TMEM164: variants seen among roughly 807,000 people sequenced by gnomAD.
TMEM164 encodes the protein transmembrane protein 164.
In TMEM164, 4 loss-of-function variants were observed where a neutral mutation model predicts 18.8. That is an observed-to-expected ratio of 0.21 (90% CI 0.10 to 0.49). The LOEUF is 0.49. Ranked by LOEUF, TMEM164 falls within the 20% of genes least tolerant of loss-of-function variation. The pLI, the probability that TMEM164 is intolerant of heterozygous loss-of-function variation, is 0.98. For synonymous variants in TMEM164, 86 were observed against 101.7 expected (o/e 0.85, Z 0.93); for missense variants, 108 against 239.9 (o/e 0.45, Z 3.63).
At chrX:110,102,474 A>T (rs1236561768) in intron 3 of TMEM164, among the ~76,000 whole-genome samples, 1 of 112,256 alleles carries the variant, frequency 8.9e-6, no homozygotes, top group Non-Finnish European at 1.9e-5. Flanking sequence ...AGAATTTGTC[A>T]TCTGTTCCAT....
intron 2 of TMEM164, among the ~76,000 whole-genome samples, chrX:110,062,510 G>A (rs1936163404): frequency 9.0e-6 from 1 of 111,210 alleles, no homozygotes; most frequent in Admixed American, 9.6e-5. Context: ...TAGCATTATG[G>A]GTCAAAAGCC....
chrX:110,037,235 A>G (rs773190943), intron 2 of TMEM164, among the ~76,000 whole-genome samples: 10 of 111,546 alleles, frequency 9.0e-5, no homozygotes, highest in African/African-American at 3.3e-4. Context: ...GGCAGAGTAC[A>G]ATAAGCTGGA....
chrX:110,071,730 A>C (rs2147863631), intron 3 of TMEM164, among the ~76,000 whole-genome samples: 1 of 106,462 alleles, frequency 9.4e-6, no homozygotes, highest in East Asian at 2.9e-4. Context: ...AAAAAAAAAA[A>C]AAAAAAAAAT....
At chrX:110,153,516 A>T (rs187925760) in intron 5 of TMEM164, among the ~76,000 whole-genome samples, 2 of 111,397 alleles carry the variant, frequency 1.8e-5, no homozygotes, top group Admixed American at 1.9e-4. Context: ...AAAAATAATC[A>T]CATCTTTATG....
intron 2 of TMEM164, among the ~76,000 whole-genome samples, chrX:110,027,046 G>A (rs1175982265): frequency 9.1e-6 from 1 of 110,332 alleles, no homozygotes; most frequent in African/African-American, 3.3e-5. Context: ...TCAACTTACT[G>A]TTTTAGTTGA....
intron 2 of TMEM164, among the ~76,000 whole-genome samples, chrX:110,011,309 A>T (rs1402231962): frequency 1.8e-5 from 2 of 112,227 alleles, no homozygotes; most frequent in Non-Finnish European, 3.8e-5. Flanking sequence ...TGAACAAAGC[A>T]TAGGGGACAG....
chrX:110,127,239 G>A (rs747537080), intron 4 of TMEM164, among the ~76,000 whole-genome samples: 1 of 111,594 alleles, frequency 9.0e-6, no homozygotes, highest in South Asian at 3.8e-4. Context: ...CTGGCCGGGT[G>A]TGGTGGCTCA....
At chrX:110,031,631 C>T (rs1934512963) in intron 2 of TMEM164, among the ~76,000 whole-genome samples, 1 of 111,086 alleles carries the variant, frequency 9.0e-6, no homozygotes, top group African/African-American at 3.3e-5. Flanking sequence ...CCCTAGTCCT[C>T]CTTTTTATAA....
intron 3 of TMEM164, among the ~76,000 whole-genome samples, chrX:110,089,336 T>A (rs1173352591): frequency 9.0e-6 from 1 of 111,185 alleles, no homozygotes; most frequent in African/African-American, 3.3e-5. Flanking sequence ...TAGCTGAGAT[T>A]ACAGGCACTG....
chrX:110,118,277 C>T (rs1057223990), intron 4 of TMEM164, among the ~76,000 whole-genome samples: 5 of 112,122 alleles, frequency 4.5e-5, no homozygotes, highest in African/African-American at 1.6e-4. Flanking sequence ...ATGGACATAA[C>T]TCTTTTCATC....
chrX:110,162,292 C>T (rs759835127), intron 5 of TMEM164, among the ~76,000 whole-genome samples: 91 of 112,640 alleles, frequency 8.1e-4, no homozygotes, highest in African/African-American at 2.8e-3. Context: ...AGGTCAGGTC[C>T]ACCTGTTGGA....
intron 3 of TMEM164, 67 bp from the exon 4 acceptor site, chrX:110,109,013 G>A: frequency 1.9e-6 from 2 of 1,070,848 alleles, no homozygotes; most frequent in Non-Finnish European, 2.6e-6. Context: ...TTAACCTGAT[G>A]TGTCTTTTTT....
intron 3 of TMEM164, among the ~76,000 whole-genome samples, chrX:110,071,379 T>C (rs1447025068): frequency 9.1e-6 from 1 of 110,250 alleles, no homozygotes; most frequent in Non-Finnish European, 1.9e-5. Context: ...TGTGGGATTT[T>C]TTCATTTAAA....
At chrX:110,138,406 T>TC (rs999671382) in intron 4 of TMEM164, among the ~76,000 whole-genome samples, 7 of 112,149 alleles carry the variant, frequency 6.2e-5, no homozygotes, top group Non-Finnish European at 1.1e-4. Flanking sequence ...GCAGCCTGAC[T>TC]CCAGGCTGGA....
rs768124886 is a variant in TMEM164 at position 110,016,398 on chromosome X, C to A, written c.390+12234C>A. Among the ~76,000 whole-genome samples, 361 of 111,717 alleles carry A rather than the reference C, an allele frequency of 3.2e-3. 1 individual carries two copies. The highest frequency in any genetic ancestry group is 0.011 in the African/African-American group (325 of 30,732). On this transcript the variant is annotated intron_variant, in intron 2 of 6. Coordinates refer to ENST00000372068, the MANE Select transcript of TMEM164 (RefSeq NM_032227.4). ...ATTAAGGACAGCTGGTGCCCCTGATCATTTAGGACCTCCCTTAGGCCTTTA... is the reference window on the plus strand; with the variant it reads ...ATTAAGGACAGCTGGTGCCCCTGATAATTTAGGACCTCCCTTAGGCCTTTA...
At chrX:110,114,476 C>T (rs980370522) in intron 4 of TMEM164, among the ~76,000 whole-genome samples, 1 of 111,755 alleles carries the variant, frequency 8.9e-6, no homozygotes, top group African/African-American at 3.3e-5. Context: ...CCAGGATAAA[C>T]CACTTTCAGG....
At chrX:110,052,630 C>T (rs1602535401) in intron 2 of TMEM164, among the ~76,000 whole-genome samples, 1 of 111,606 alleles carries the variant, frequency 9.0e-6, no homozygotes, top group African/African-American at 3.3e-5. Flanking sequence ...AGCTCCTGCT[C>T]TCCAGAAGCT....
intron 5 of TMEM164, among the ~76,000 whole-genome samples, chrX:110,154,111 G>C (rs1450478239): frequency 8.9e-6 from 1 of 111,854 alleles, no homozygotes; most frequent in African/African-American, 3.3e-5. Flanking sequence ...ACAAACCACA[G>C]TTACATTAGC....
chrX:110,055,075 G>A (rs1402840107), intron 2 of TMEM164, among the ~76,000 whole-genome samples: 1 of 111,595 alleles, frequency 9.0e-6, no homozygotes, highest in African/African-American at 3.3e-5. Flanking sequence ...TTTGTAGTGT[G>A]ACCAGAATGT....
Sources: allele counts gnomAD v4.1 joint callset (sites outside exome capture counted in the v4.1 genomes callset), GRCh38; gene constraint gnomAD v4.1.1; transcripts MANE v1.5; gene names NCBI Gene and HGNC (gene_info 2026-07-23, HGNC 2026-07-21).